PRKAG2: variants seen among roughly 807,000 people sequenced by gnomAD.
PRKAG2 encodes the protein 5'-AMP-activated protein kinase subunit gamma-2.
PRKAG2 carries 26 observed loss-of-function variants against 69.6 expected under a neutral mutation model. The observed-to-expected ratio is 0.37, with a 90% confidence interval of 0.27 to 0.52. The LOEUF is 0.52. Among genes scored for constraint, PRKAG2 ranks in the 20% least tolerant of loss-of-function variants. The pLI is 0.90. For synonymous variants in PRKAG2, 293 were observed against 285.0 expected (o/e 1.03, Z -0.28); for missense variants, 557 against 740.0 (o/e 0.75, Z 2.87).
At chr7:151,683,127 C>T (rs936250992) in intron 3 of PRKAG2, among the ~76,000 whole-genome samples, 10 of 152,364 alleles carry the variant, frequency 6.6e-5, no homozygotes, top group African/African-American at 2.4e-4. Context: ...AACAGCCCAG[C>T]GAGGGAACAG....
chr7:151,676,676 G>A (rs112055023), intron 3 of PRKAG2, among the ~76,000 whole-genome samples: 9 of 152,276 alleles, frequency 5.9e-5, no homozygotes, highest in South Asian at 4.1e-4. Context: ...GCAGAGGCTC[G>A]TCAAGAAGAG....
chr7:151,597,336 A>G (rs955103690), intron 5 of PRKAG2, among the ~76,000 whole-genome samples: 1 of 152,232 alleles, frequency 6.6e-6, no homozygotes, highest in African/African-American at 2.4e-5. Flanking sequence ...AAGAAAACAT[A>G]GGGGAAATGC....
Position 151,639,000 on chromosome 7 carries a change from G to A in PRKAG2, c.685-6862C>T, listed in dbSNP as rs955616910. Among the ~76,000 whole-genome samples, 1 of 152,190 alleles carries A rather than the reference G, an allele frequency of 6.6e-6. No individual in the cohort carries two copies. Among genetic ancestry groups the A allele is most frequent in the African/African-American group, 2.4e-5 (1 of 41,454 alleles). The stretch of plus-strand genomic sequence containing the variant: ...AACGACGTGAAACCCCCTGGATGCT[G>A]GACAGGAGCTGCACATGCACTCTGC... On this transcript the variant is annotated intron_variant, in intron 4 of 15. Coordinates refer to ENST00000287878, the MANE Select transcript of PRKAG2 (RefSeq NM_016203.4). The surrounding 1 kb of genome is among the most constrained non-coding windows in gnomAD (Gnocchi z 4.3).
chr7:151,584,853 C>T (rs926564587), intron 6 of PRKAG2, among the ~76,000 whole-genome samples: 1 of 152,168 alleles, frequency 6.6e-6, no homozygotes, highest in Non-Finnish European at 1.5e-5. Flanking sequence ...GCTGTGACTG[C>T]ACTACCATAC....
intron 6 of PRKAG2, among the ~76,000 whole-genome samples, chr7:151,589,867 A>C (rs186130809): frequency 8.5e-4 from 129 of 152,308 alleles, no homozygotes; most frequent in African/African-American, 3.1e-3. Context: ...CCTGGGAGGC[A>C]GAGGTTGCAG....
intron 6 of PRKAG2, among the ~76,000 whole-genome samples, chr7:151,589,814 A>C: frequency 6.6e-6 from 1 of 152,202 alleles, no homozygotes; most frequent in East Asian, 1.9e-4. Context: ...GGGTGCCTGT[A>C]ATCCCAGCTA....
chr7:151,753,618 A>G (rs2074862840), intron 3 of PRKAG2, among the ~76,000 whole-genome samples: 1 of 152,144 alleles, frequency 6.6e-6, no homozygotes, highest in Admixed American at 6.5e-5. Flanking sequence ...GAGTCTCACC[A>G]TGTTGCTCAG....
At chr7:151,737,922 C>T (rs1179006458) in intron 3 of PRKAG2, among the ~76,000 whole-genome samples, 2 of 134,192 alleles carry the variant, frequency 1.5e-5, no homozygotes, top group African/African-American at 5.8e-5. Flanking sequence ...GCCAGAGATG[C>T]CCAGATCTGC....
chr7:151,735,913 AGGC>A, intron 3 of PRKAG2: 3 of 1,536,328 alleles, frequency 2.0e-6, no homozygotes, highest in Non-Finnish European at 2.6e-6. Context: ...AAAGGCCATG[AGGC>A]TCCGACTGGC....
intron 4 of PRKAG2, among the ~76,000 whole-genome samples, chr7:151,650,444 A>G (rs1828301782): frequency 6.6e-6 from 1 of 152,212 alleles, no homozygotes; most frequent in African/African-American, 2.4e-5. Flanking sequence ...TTATGGTCCT[A>G]AATCCTACCA....
chr7:151,692,421 AAGTC>A (rs1835813593), intron 3 of PRKAG2, among the ~76,000 whole-genome samples: 1 of 152,206 alleles, frequency 6.6e-6, no homozygotes, highest in Non-Finnish European at 1.5e-5. Flanking sequence ...ACAGAAAAAA[AAGTC>A]AGTGTTTGCT....
intron 1 of PRKAG2, among the ~76,000 whole-genome samples, chr7:151,826,377 T>G (rs2151869923): frequency 6.6e-6 from 1 of 152,170 alleles, no homozygotes; most frequent in Middle Eastern, 3.4e-3. Flanking sequence ...GAGACAGGGT[T>G]TCACCTTGTT....
At chr7:151,827,775 C>A (rs1340533781) in intron 1 of PRKAG2, among the ~76,000 whole-genome samples, 92 of 47,792 alleles carry the variant, frequency 1.9e-3, no homozygotes, top group South Asian at 9.2e-3. Context: ...AAAAAAAAAA[C>A]TGCCTTGCTG....
chr7:151,809,339 G>A, intron 1 of PRKAG2: 1 of 441,102 alleles, frequency 2.3e-6, no homozygotes, highest in South Asian at 1.6e-5. Context: ...AGAGACTCTC[G>A]CAGTCCACGG....
chr7:151,865,890 G>T (rs2080060343), intron 1 of PRKAG2, among the ~76,000 whole-genome samples: 1 of 151,984 alleles, frequency 6.6e-6, no homozygotes, highest in Admixed American at 6.5e-5. Context: ...TGTGGTGGCG[G>T]GCGCCCGTAG....
chr7:151,850,275 A>G lies in PRKAG2; in HGVS notation c.114+26232T>C, dbSNP rs996666606. ...ACCTGGAGGTACAGTCCCCTCACCT[A>G]GAACGCTTCTTGAGTGTTTAATGGA... On this transcript the variant is annotated intron_variant, in intron 1 of 15. Coordinates refer to ENST00000287878, the MANE Select transcript of PRKAG2 (RefSeq NM_016203.4). The surrounding 1 kb of genome is among the most constrained non-coding windows in gnomAD (Gnocchi z 4.1). 4.6e-5 allele frequency among the ~76,000 whole-genome samples: 7 copies of G among 152,244 alleles called. No individual in the cohort carries two copies. The highest frequency in any genetic ancestry group is 3.3e-4 in the Admixed American group (5 of 15,284).
intron 3 of PRKAG2, among the ~76,000 whole-genome samples, chr7:151,717,801 C>G (rs530948991): frequency 6.6e-6 from 1 of 152,306 alleles, no homozygotes; most frequent in East Asian, 1.9e-4. Context: ...GGTTTTTCAG[C>G]CTATAAAGTT....
At chr7:151,855,088 A>AC (rs1218142316) in intron 1 of PRKAG2, among the ~76,000 whole-genome samples, 26 of 54,380 alleles carry the variant, frequency 4.8e-4, no homozygotes, top group African/African-American at 7.4e-4. Flanking sequence ...TCCTCCACAC[A>AC]CACCATCCTC....
intron 3 of PRKAG2, among the ~76,000 whole-genome samples, chr7:151,693,735 G>A (rs1030297434): frequency 6.6e-6 from 1 of 152,138 alleles, no homozygotes; most frequent in African/African-American, 2.4e-5. Context: ...TTACAAGAGG[G>A]ACCGCAGAGA....
Sources: allele counts gnomAD v4.1 joint callset (sites outside exome capture counted in the v4.1 genomes callset), GRCh38; gene constraint gnomAD v4.1.1; non-coding constraint Gnocchi (gnomAD v3.1); transcripts MANE v1.5; gene names NCBI Gene and HGNC (gene_info 2026-07-23, HGNC 2026-07-21).